TRIO: variants seen among roughly 807,000 people sequenced by gnomAD.
TRIO encodes the protein triple functional domain protein.
In TRIO, 58 loss-of-function variants were observed where a neutral mutation model predicts 351.9. The observed-to-expected ratio is 0.16, with a 90% CI of 0.13 to 0.21. The LOEUF (loss-of-function observed/expected upper bound fraction) is 0.21. Ranked by LOEUF, TRIO falls within the 10% of genes least tolerant of loss-of-function variation. The pLI is 1.00. For synonymous variants in TRIO, 1,758 were observed against 1,595.7 expected (o/e 1.10, Z -2.42); for missense variants, 3,201 against 4,027.8 (o/e 0.79, Z 5.56).
intron 2 of TRIO, among the ~76,000 whole-genome samples, chr5:14,279,502 C>T (rs1447551351): frequency 1.3e-5 from 2 of 152,142 alleles, no homozygotes; most frequent in African/African-American, 4.8e-5. Context: ...ATGAAGGATC[C>T]ACTTGAGAAG....
intron 1 of TRIO, among the ~76,000 whole-genome samples, chr5:14,266,157 CAA>C (rs1253012621): frequency 3.3e-5 from 5 of 152,072 alleles, no homozygotes; most frequent in African/African-American, 1.2e-4. Context: ...CTCCTGGGTC[CAA>C]GTGATTCTTC....
chr5:14,304,513 C>G lies in TRIO; in HGVS notation c.1421C>G (p.Pro474Arg). ...WCKACGEVDL[P>R]SELQDLEDAI... is the part of the protein sequence containing the mutation. Reference sequence around the variant, plus strand: ...AAAGCTTGCGGTGAGGTAGACCTTCCCTCAGAGCTGCAGGACCTAGAAGAT... The same window carrying G: ...AAAGCTTGCGGTGAGGTAGACCTTCGCTCAGAGCTGCAGGACCTAGAAGAT... The change falls in exon 8 of 57, where the codon CCC becomes CGC. Residue 474 changes from proline to arginine, a missense_variant. Physicochemically the swap from Pro to Arg is moderately radical, Grantham distance 103. This residue lies in a region of TRIO where 349 missense variants were observed against 449.3 expected (regional missense o/e 0.78). Coordinates refer to ENST00000344204, the MANE Select transcript of TRIO (RefSeq NM_007118.4). 6.2e-7 allele frequency: 1 copy of G among 1,614,040 alleles called. No individual in the cohort carries two copies. Among genetic ancestry groups the G allele is most frequent in the Non-Finnish European group, 8.5e-7 (1 of 1,179,992 alleles).
At position 14,439,538 on chromosome 5, in the gene TRIO, G is replaced by A. The variant is rs146910999; in HGVS notation, c.5203+19517G>A. 3.3e-3 allele frequency among the ~76,000 whole-genome samples: 496 copies of A among 152,242 alleles called. 6 individuals carry two copies. The highest frequency in any genetic ancestry group is 6.8e-4 in the Non-Finnish European group (46 of 68,012). Reference sequence around the variant, plus strand: ...GGGACAAAGTCAACTTTTTAATAACGGTTGTAGTAACTGAAACCTTAGAAT... The same window carrying A: ...GGGACAAAGTCAACTTTTTAATAACAGTTGTAGTAACTGAAACCTTAGAAT... On this transcript the variant is annotated intron_variant, in intron 34 of 56. Coordinates refer to ENST00000344204, the MANE Select transcript of TRIO (RefSeq NM_007118.4).
intron 1 of TRIO, among the ~76,000 whole-genome samples, chr5:14,212,326 C>T (rs1245366401): frequency 6.6e-6 from 1 of 152,038 alleles, no homozygotes; most frequent in Non-Finnish European, 1.5e-5. Context: ...TGATTTGGTG[C>T]CTGGGCTGGT....
intron 31 of TRIO, among the ~76,000 whole-genome samples, chr5:14,405,368 G>A (rs911288263): frequency 1.3e-4 from 20 of 152,358 alleles, no homozygotes; most frequent in Admixed American, 3.3e-4. Context: ...GAAGCCCTCG[G>A]CTAGGCACAG....
chr5:14,146,842 T>G (rs1307242626), intron 1 of TRIO, among the ~76,000 whole-genome samples: 1 of 152,236 alleles, frequency 6.6e-6, no homozygotes, highest in African/African-American at 2.4e-5. Flanking sequence ...TCTCCTCTGC[T>G]GAGCGTCCAC....
chr5:14,292,347 C>T (rs915861898), intron 5 of TRIO, among the ~76,000 whole-genome samples: 2 of 152,234 alleles, frequency 1.3e-5, no homozygotes, highest in Admixed American at 1.3e-4. Flanking sequence ...GATTCTGGTT[C>T]AAGTCATGGT....
chr5:14,391,660 T>A (rs1223407485), intron 27 of TRIO, among the ~76,000 whole-genome samples: 1 of 152,222 alleles, frequency 6.6e-6, no homozygotes, highest in Non-Finnish European at 1.5e-5. Context: ...GCCAATACAT[T>A]TTGATTGAAG....
At chr5:14,164,496 G>A (rs1306013380) in intron 1 of TRIO, among the ~76,000 whole-genome samples, 1 of 152,200 alleles carries the variant, frequency 6.6e-6, no homozygotes, top group East Asian at 1.9e-4. Flanking sequence ...GTAGTGAGGT[G>A]AGACTGATGG....
intron 33 of TRIO, among the ~76,000 whole-genome samples, chr5:14,407,765 AT>A (rs1464326546): frequency 2.6e-5 from 4 of 152,208 alleles, no homozygotes; most frequent in Non-Finnish European, 5.9e-5. Flanking sequence ...CACAAAGTAA[AT>A]TGCTAGTAGA....
chr5:14,177,230 A>G (rs1789461850), intron 1 of TRIO, among the ~76,000 whole-genome samples: 1 of 152,066 alleles, frequency 6.6e-6, no homozygotes, highest in Non-Finnish European at 1.5e-5. Flanking sequence ...GAAAACTCTT[A>G]CAAGCCACCA....
At chr5:14,489,469 G>A (rs1394873512) in intron 48 of TRIO, among the ~76,000 whole-genome samples, 5 of 152,172 alleles carry the variant, frequency 3.3e-5, no homozygotes, top group Admixed American at 3.3e-4. Flanking sequence ...AGTCCAGTGT[G>A]GGGTGGTGGG....
intron 11 of TRIO, among the ~76,000 whole-genome samples, chr5:14,354,808 A>T (rs1316876281): frequency 6.6e-6 from 1 of 152,034 alleles, no homozygotes; most frequent in Non-Finnish European, 1.5e-5. Flanking sequence ...ATTGATTAGT[A>T]CTATAGTTAT....
chr5:14,308,621 TCCAA>T (rs1370172384), intron 8 of TRIO, among the ~76,000 whole-genome samples: 4 of 149,478 alleles, frequency 2.7e-5, no homozygotes, highest in Non-Finnish European at 5.9e-5. Flanking sequence ...CATCCATTCA[TCCAA>T]CCAGTCACCC....
intron 53 of TRIO, 61 bp downstream of exon 53, chr5:14,498,701 C>T (rs578261796): frequency 6.3e-5 from 101 of 1,591,142 alleles, no homozygotes; most frequent in South Asian, 5.9e-4. Flanking sequence ...CAGGAGTCTC[C>T]TTAAGTCCTG....
chr5:14,455,269 C>G (rs27106), intron 34 of TRIO, among the ~76,000 whole-genome samples: 72,565 of 152,038 alleles, frequency 0.48, 19,172 homozygotes, highest in African/African-American at 0.7. Context: ...AGAGCCGATT[C>G]GCCGATTTTA....
chr5:14,471,608 A>G, intron 38 of TRIO, 142 bp downstream of exon 38: 1 of 1,119,698 alleles, frequency 8.9e-7, no homozygotes, highest in South Asian at 1.6e-5. Context: ...GCACGTATGT[A>G]AAAGACTCAG....
chr5:14,352,120 G>A (rs72746095), intron 11 of TRIO, among the ~76,000 whole-genome samples: 11,896 of 152,242 alleles, frequency 0.078, 545 homozygotes, highest in Middle Eastern at 0.12. Flanking sequence ...TCATCCTTCT[G>A]TGTGGATCCT....
chr5:14,331,399 A>G (rs1740894558), intron 10 of TRIO, among the ~76,000 whole-genome samples: 1 of 152,184 alleles, frequency 6.6e-6, no homozygotes. Flanking sequence ...TTCTGATCTG[A>G]AAAATAAGCC....
Sources: gnomAD v4.1 joint callset for allele counts (sites outside exome capture counted in the v4.1 genomes callset) on GRCh38, gnomAD v4.1.1 for gene constraint, gnomAD v4.1.1 regional missense constraint, MANE v1.5 for transcripts, NCBI Gene and HGNC (gene_info 2026-07-23, HGNC 2026-07-21) for gene names.